Variants in RIC3 observed in about 807,000 individuals in gnomAD.
The protein encoded by RIC3 is protein RIC-3.
RIC3 carries 28 observed loss-of-function variants against 27.3 expected under a neutral mutation model. The ratio of observed to expected loss-of-function variants is 1.02; its 90% CI spans 0.76 to 1.41. The LOEUF (loss-of-function observed/expected upper bound fraction) is 1.41. RIC3 is among the 40% of genes most tolerant of loss of function. The pLI is 0.00. For missense variants in RIC3, 501 were observed against 444.7 expected, an observed-to-expected ratio of 1.13 and a Z score of -1.14; for synonymous variants, 184 against 160.4, an observed-to-expected ratio of 1.15 and a Z score of -1.11.
At chr11:8,165,315 G>A (rs971930339) in intron 1 of RIC3, among the ~76,000 whole-genome samples, 4 of 138,256 alleles carry the variant, frequency 2.9e-5, no homozygotes, top group East Asian at 2.1e-4. Context: ...ATGAATAAAT[G>A]AAATGTGGTA....
At chr11:8,124,794 G>A (rs935450910) in intron 5 of RIC3, among the ~76,000 whole-genome samples, 1 of 152,122 alleles carries the variant, frequency 6.6e-6, no homozygotes, top group South Asian at 2.1e-4. Flanking sequence ...GAACAATTGG[G>A]TATTTGATAT....
chr11:8,132,901 A>C (rs1394454859), intron 4 of RIC3, among the ~76,000 whole-genome samples: 3 of 152,242 alleles, frequency 2.0e-5, no homozygotes, highest in South Asian at 4.1e-4. Flanking sequence ...AATGCCACAG[A>C]AAATGAGGTT....
chr11:8,114,350 T>C (rs1358522492), intron 5 of RIC3, among the ~76,000 whole-genome samples: 1 of 152,048 alleles, frequency 6.6e-6, no homozygotes, highest in Non-Finnish European at 1.5e-5. Flanking sequence ...ACGCTTGTAA[T>C]CTCACACACT....
intron 4 of RIC3, among the ~76,000 whole-genome samples, chr11:8,137,017 G>A (rs1025048382): frequency 8.5e-5 from 13 of 152,064 alleles, no homozygotes; most frequent in Non-Finnish European, 5.9e-5. Flanking sequence ...GCATAATTTT[G>A]AATTTTCTTT....
At chr11:8,098,107 C>T in the RIC3 span, among the ~76,000 whole-genome samples, 1 of 152,022 alleles carries the variant, frequency 6.6e-6, no homozygotes, top group South Asian at 2.1e-4. Context: ...ACTGATAACG[C>T]AGGCCACCAT....
At chr11:8,117,453 A>G (rs1220238475) in intron 5 of RIC3, among the ~76,000 whole-genome samples, 1 of 152,236 alleles carries the variant, frequency 6.6e-6, no homozygotes, top group Admixed American at 6.5e-5. Context: ...AGCCAGGCAC[A>G]GAAAGACAGA....
intron 1 of RIC3, among the ~76,000 whole-genome samples, chr11:8,150,045 A>G (rs1480636207): frequency 6.6e-6 from 1 of 152,170 alleles, no homozygotes; most frequent in Non-Finnish European, 1.5e-5. Flanking sequence ...TTTTGTGTGT[A>G]TAAGACCCAT....
At chr11:8,138,843 GT>G (rs1476148813) in intron 2 of RIC3, 1 of 222,926 alleles carries the variant, frequency 4.5e-6, no homozygotes, top group Non-Finnish European at 8.6e-6. Context: ...TCCTTCCTTT[GT>G]TCTCCTCTGC....
rs1174540692 is a variant in RIC3, at chr11:8,109,656, A to C, written c.*1042T>G. 6.6e-6 allele frequency: 1 copy of C among 152,112 alleles called. No individual in the cohort carries two copies. The highest frequency in any genetic ancestry group is 1.5e-5 in the Non-Finnish European group (1 of 68,020). 9.4% of individuals were successfully genotyped at this position (152,112 alleles called of 1,614,324 possible). ...TACAAGATCAGTCCTCATTTGTTTC[A>C]ATTTATGGTTCTGAGAAGAAATTTC... is the stretch of plus-strand genomic sequence containing the variant. On this transcript the variant is annotated 3_prime_UTR_variant, in exon 6 of 6. Coordinates refer to ENST00000309737, the MANE Select transcript of RIC3 (RefSeq NM_001206671.4).
Position 8,116,987 on chromosome 11 carries a change from G to C in RIC3, c.671-5850C>G, listed in dbSNP as rs145619880. On this transcript the variant is annotated intron_variant, in intron 5 of 5. Transcript: ENST00000309737. ...GTTCACTGCAGCATTATTCACAATA[G>C]CCACACTATAGCATCAATCTGAACA... Among the ~76,000 whole-genome samples the C allele has an allele frequency of 3.1e-3, 465 of 152,300 alleles. 4 individuals are homozygous for C. The highest frequency in any genetic ancestry group is 0.01 in the African/African-American group (432 of 41,560).
At chr11:8,098,599 T>C in the RIC3 span, among the ~76,000 whole-genome samples, 33 of 152,288 alleles carry the variant, frequency 2.2e-4, no homozygotes, top group African/African-American at 7.9e-4. Flanking sequence ...CCACGAAGTG[T>C]CTTCAAAGAT....
chr11:8,140,145 G>C lies in RIC3; in HGVS notation c.173C>G (p.Ser58Ter). The C allele has an allele frequency of 6.2e-7, 1 of 1,614,104 alleles. No homozygotes were observed. Among genetic ancestry groups the C allele is most frequent in the Middle Eastern group, 1.7e-4 (1 of 6,060 alleles). Residue 58 changes from serine to a stop codon, truncating the protein, a stop_gained, in exon 2 of 6, where the codon TCA becomes TGA. Transcript: ENST00000309737. LOFTEE classifies it high-confidence loss of function. ...ACGAGCCCCAGGAGTCTGGCCATCT[G>C]AGGGTGCCTGGTGATGATGCATCAT... is the stretch of plus-strand genomic sequence containing the variant. ...PPMMHHHQAP[S>*]DGQTPGARFQ...
chr11:8,149,402 G>A (rs1208473238), intron 1 of RIC3, among the ~76,000 whole-genome samples: 1 of 151,892 alleles, frequency 6.6e-6, no homozygotes, highest in Admixed American at 6.6e-5. Flanking sequence ...AGTAAGAAGA[G>A]ATAAGAAGTA....
At chr11:8,096,812 TG>T in the RIC3 span, 1 of 1,613,984 alleles carries the variant, frequency 6.2e-7, no homozygotes, top group Admixed American at 1.7e-5. Flanking sequence ...TCAGGGTGAG[TG>T]AGTGAGTCTG....
At position 8,135,017 on chromosome 11, in the gene RIC3, T is replaced by A. The variant is rs546253781; in HGVS notation, c.521+2361A>T. On this transcript the variant is annotated intron_variant, in intron 4 of 5. Transcript: ENST00000309737. ...TTTAATTAGATCCCATTTGTCAATT[T>A]TGGTTTTGTTGCCATTGCTTTTGGT... Among the ~76,000 whole-genome samples the A allele has an allele frequency of 3.9e-5, 6 of 152,312 alleles. No homozygotes were observed. In the East Asian group the frequency reaches 1.2e-3, roughly 29 times the overall value.
intron 5 of RIC3, among the ~76,000 whole-genome samples, chr11:8,125,875 C>G (rs1042765394): frequency 1.3e-5 from 2 of 152,130 alleles, no homozygotes; most frequent in African/African-American, 4.8e-5. Flanking sequence ...TCCGTCTCTA[C>G]TAAAAATACA....
At chr11:8,099,609 T>A in the RIC3 span, among the ~76,000 whole-genome samples, 1 of 152,202 alleles carries the variant, frequency 6.6e-6, no homozygotes, top group Non-Finnish European at 1.5e-5. Flanking sequence ...AATGTATACC[T>A]TTATGGGACT....
chr11:8,154,140 AG>A (rs1245268040), intron 1 of RIC3, among the ~76,000 whole-genome samples: 2 of 152,164 alleles, frequency 1.3e-5, no homozygotes, highest in African/African-American at 4.8e-5. Context: ...GAAATATGCC[AG>A]GTATATAAAA....
chr11:8,128,972 T>A (rs1205387317), intron 4 of RIC3, among the ~76,000 whole-genome samples: 1 of 151,954 alleles, frequency 6.6e-6, no homozygotes, highest in African/African-American at 2.4e-5. Flanking sequence ...GCCAGGATGG[T>A]CTCAATCTCC....
Sources: allele counts gnomAD v4.1 joint callset (sites outside exome capture counted in the v4.1 genomes callset), GRCh38; gene constraint gnomAD v4.1.1; transcripts MANE v1.5; gene names NCBI Gene and HGNC (gene_info 2026-07-23, HGNC 2026-07-21).